Variants in NREP observed in about 807,000 individuals in gnomAD.
NREP encodes the protein neuronal regeneration related protein, also known as neuronal regeneration-related protein.
NREP carries 5 observed loss-of-function variants against 8.6 expected under a neutral mutation model. That is an observed-to-expected ratio of 0.58 (90% CI 0.30 to 1.22). The LOEUF is 1.22. NREP is among the 50% of genes most tolerant of loss of function. The probability of loss-of-function intolerance (pLI) is 0.07; values close to 1 mark genes in which losing one functional copy is unlikely to be tolerated. For synonymous variants in NREP, 27 were observed against 28.0 expected (o/e 0.96, Z 0.11); for missense variants, 86 against 82.5 (o/e 1.04, Z -0.17).
At chr5:111,851,018 A>G (rs1203001053) in intron 2 of NREP, among the ~76,000 whole-genome samples, 2 of 152,138 alleles carry the variant, frequency 1.3e-5, no homozygotes, top group African/African-American at 2.4e-5. Context: ...TTAGGCTCAA[A>G]TAAGATACCT....
intron 2 of NREP, among the ~76,000 whole-genome samples, chr5:111,855,005 T>A (rs187789906): frequency 6.7e-4 from 102 of 152,300 alleles, no homozygotes; most frequent in Non-Finnish European, 1.3e-3. Context: ...TTTATTCAGG[T>A]CACTGATTTT....
chr5:111,866,440 CAAT>C (rs1204034651), intron 2 of NREP, among the ~76,000 whole-genome samples: 1 of 152,166 alleles, frequency 6.6e-6, no homozygotes, highest in Non-Finnish European at 1.5e-5. Flanking sequence ...ATTAAAATCA[CAAT>C]GAGATACCAT....
chr5:111,797,076 G>GATAA (rs1751889602), intron 2 of NREP, among the ~76,000 whole-genome samples: 1 of 151,668 alleles, frequency 6.6e-6, no homozygotes, highest in African/African-American at 2.4e-5. Flanking sequence ...TAGATAGATA[G>GATAA]ATAGATAGAT....
At chr5:111,926,457 A>G (rs1392306814) in intron 2 of NREP, among the ~76,000 whole-genome samples, 1 of 152,140 alleles carries the variant, frequency 6.6e-6, no homozygotes, top group Non-Finnish European at 1.5e-5. Flanking sequence ...GGGCAAAGAA[A>G]GCCTGTACAT....
intron 2 of NREP, among the ~76,000 whole-genome samples, chr5:111,832,031 G>T (rs988446311): frequency 1.3e-5 from 2 of 152,056 alleles, no homozygotes; most frequent in South Asian, 2.1e-4. Flanking sequence ...GGATGTATTG[G>T]AACCTTCTGG....
chr5:111,892,719 T>A lies in NREP; in HGVS notation c.135+82555A>T, dbSNP rs560504900. 3.9e-5 allele frequency among the ~76,000 whole-genome samples: 6 copies of A among 152,246 alleles called. No individual in the cohort carries two copies. In the South Asian group the frequency reaches 1.2e-3, roughly 32 times the overall value. The stretch of plus-strand genomic sequence containing the variant: ...GATCTAATATAATTAAAAGAGTGAC[T>A]TTCTCTTCTGAATGTATTAACAAAA... On this transcript the variant is annotated intron_variant, in intron 2 of 3. Coordinates refer to the NREP transcript ENST00000395634.
intron 2 of NREP, among the ~76,000 whole-genome samples, chr5:111,810,095 T>C (rs1752237425): frequency 6.6e-6 from 1 of 151,738 alleles, no homozygotes; most frequent in African/African-American, 2.4e-5. Flanking sequence ...GAGAGAGATA[T>C]AGCTAGACCG....
intron 2 of NREP, among the ~76,000 whole-genome samples, chr5:111,783,397 T>C (rs2112885537): frequency 6.6e-6 from 1 of 152,338 alleles, no homozygotes; most frequent in Admixed American, 6.5e-5. Flanking sequence ...TAGGAGATTA[T>C]TTGGCTCAAG....
rs576340730 is a variant in NREP at position 111,963,229 on chromosome 5, C to A, written c.135+12045G>T. The stretch of plus-strand genomic sequence containing the variant: ...AGCCTGCTCCTGCCAGCGCCCAAAG[C>A]AGCCAGCCAGATCTCATACTCGCTT... On this transcript the variant is annotated intron_variant, in intron 2 of 3. Transcript: ENST00000395634. Among the ~76,000 whole-genome samples the A allele has an allele frequency of 1.3e-3, 201 of 152,354 alleles. 2 individuals are homozygous for A. The highest frequency in any genetic ancestry group is 4.7e-3 in the African/African-American group (194 of 41,594).
At chr5:111,843,636 G>A (rs1343423584) in intron 2 of NREP, among the ~76,000 whole-genome samples, 3 of 152,110 alleles carry the variant, frequency 2.0e-5, no homozygotes, top group African/African-American at 7.2e-5. Context: ...GATCATTGAG[G>A]ATTTGTGTTG....
intron 2 of NREP, among the ~76,000 whole-genome samples, chr5:111,843,255 C>T (rs1319853852): frequency 1.3e-5 from 2 of 151,456 alleles, no homozygotes; most frequent in Admixed American, 6.6e-5. Context: ...TCTTTTTGTT[C>T]CTCTGGGTTA....
chr5:111,811,790 T>C (rs1382614843), intron 2 of NREP, among the ~76,000 whole-genome samples: 2 of 152,222 alleles, frequency 1.3e-5, no homozygotes. Flanking sequence ...AAAGGGTTTT[T>C]TTCTATACAG....
At chr5:111,968,752 C>A (rs1756717262) in intron 2 of NREP, among the ~76,000 whole-genome samples, 1 of 152,164 alleles carries the variant, frequency 6.6e-6, no homozygotes. Context: ...ACGTCTGGAT[C>A]CCAGCTTCTT....
chr5:111,970,825 C>CAAAAAAA (rs33962098), intron 2 of NREP, among the ~76,000 whole-genome samples: 117 of 53,188 alleles, frequency 2.2e-3, no homozygotes, highest in Middle Eastern at 8.3e-3. Flanking sequence ...GACTCCATCT[C>CAAAAAAA]AAAAAAAAAA....
intron 2 of NREP, among the ~76,000 whole-genome samples, chr5:111,818,922 T>C (rs1325220651): frequency 6.6e-6 from 1 of 152,216 alleles, no homozygotes; most frequent in African/African-American, 2.4e-5. Context: ...AAACCTACAA[T>C]GCATAAAACA....
chr5:111,736,047 A>G (rs574586982), intron 2 of NREP, among the ~76,000 whole-genome samples: 1 of 152,312 alleles, frequency 6.6e-6, no homozygotes, highest in East Asian at 1.9e-4. Context: ...GATAGGTGTC[A>G]TCACCATGAA....
intron 2 of NREP, among the ~76,000 whole-genome samples, chr5:111,766,591 TG>T: frequency 6.6e-6 from 1 of 152,328 alleles, no homozygotes; most frequent in African/African-American, 2.4e-5. Context: ...CTACTTCAGA[TG>T]GATATCCAAA....
intron 2 of NREP, among the ~76,000 whole-genome samples, chr5:111,801,824 T>C (rs1336185362): frequency 1.3e-5 from 2 of 152,226 alleles, no homozygotes; most frequent in Non-Finnish European, 2.9e-5. Flanking sequence ...AAGTAAAATA[T>C]ACCATGACAA....
intron 2 of NREP, among the ~76,000 whole-genome samples, chr5:111,856,208 TC>T (rs1753423956): frequency 6.6e-6 from 1 of 152,148 alleles, no homozygotes; most frequent in Admixed American, 6.6e-5. Flanking sequence ...TTCAAAGGGA[TC>T]GTAAACATAT....
Sources: gnomAD v4.1 joint callset for allele counts (sites outside exome capture counted in the v4.1 genomes callset) on GRCh38, gnomAD v4.1.1 for gene constraint, MANE v1.5 for transcripts, NCBI Gene and HGNC (gene_info 2026-07-23, HGNC 2026-07-21) for gene names.